ADA: variants seen among roughly 807,000 people sequenced by gnomAD.
ADA encodes the protein adenosine aminohydrolase.
Under a neutral mutation model 49.0 loss-of-function variants are expected in ADA, and 45 were observed. The ratio of observed to expected loss-of-function variants is 0.92; its 90% CI spans 0.72 to 1.18. ADA has a LOEUF of 1.18. ADA is among the 50% of genes most tolerant of loss of function. The probability of loss-of-function intolerance (pLI) is 0.00; values close to 1 mark genes in which losing one functional copy is unlikely to be tolerated. For synonymous variants in ADA, 173 were observed against 184.2 expected (o/e 0.94, Z 0.49); for missense variants, 445 against 472.5 (o/e 0.94, Z 0.54).
intron 4 of ADA, chr20:44,626,244 T>C (rs1314803461): frequency 4.4e-6 from 3 of 688,864 alleles, no homozygotes; most frequent in East Asian, 2.8e-5. Context: ...CAAACACTTG[T>C]GCCCAAGGTA....
In ADA at chr20:44,651,597, G is replaced by T. The variant is rs2065647035; in HGVS notation, c.11C>A (p.Thr4Lys). Residue 4 changes from threonine (T) to lysine (K), a missense_variant, in exon 1 of 12, where the codon ACG becomes AAG. Thr to Lys is a moderately conservative substitution (Grantham distance 78, BLOSUM62 -1). Coordinates refer to ENST00000372874, the MANE Select transcript of ADA (RefSeq NM_000022.4). Reference sequence around the variant, plus strand: ...CACTTTGGGCTTGTCGAAGGCGGGCGTCTGGGCCATGGTGCCCTCGTGCGC... The same window carrying T: ...CACTTTGGGCTTGTCGAAGGCGGGCTTCTGGGCCATGGTGCCCTCGTGCGC... MAQ[T>K]PAFDKPKVEL... 3 of 1,539,478 alleles carry T rather than the reference G, an allele frequency of 1.9e-6. No homozygotes were observed. Among genetic ancestry groups the T allele is most frequent in the South Asian group, 1.2e-5 (1 of 84,558 alleles).
chr20:44,628,727 C>T (rs574984893), intron 3 of ADA, among the ~76,000 whole-genome samples: 9 of 152,098 alleles, frequency 5.9e-5, no homozygotes, highest in Middle Eastern at 3.4e-3. Context: ...CTCTCCTCCC[C>T]TCACAACACG....
In ADA at chr20:44,626,613, A is replaced by G; in HGVS notation, c.219-14T>C. ...TCCCGGCAGCCCCTGGGAAGGGAAG[A>G]AAGGGGTTGGGAACAACCTTCCCCA... On this transcript the variant is annotated splice_polypyrimidine_tract_variant and intron_variant, in intron 3 of 11. Coordinates refer to ENST00000372874, the MANE Select transcript of ADA (RefSeq NM_000022.4). 3 of 1,613,874 alleles carry G rather than the reference A, an allele frequency of 1.9e-6. No homozygotes were observed. The highest frequency in any genetic ancestry group is 2.5e-6 in the Non-Finnish European group (3 of 1,180,016).
intron 1 of ADA, among the ~76,000 whole-genome samples, chr20:44,647,587 C>T (rs1168861730): frequency 1.3e-5 from 2 of 151,996 alleles, no homozygotes; most frequent in Admixed American, 6.6e-5. Context: ...GGGATGAAGA[C>T]CCATGCCTTG....
intron 8 of ADA, 35 bp from the exon 9 acceptor site, chr20:44,622,687 C>T (rs759743522): frequency 1.1e-5 from 18 of 1,613,860 alleles, no homozygotes; most frequent in Admixed American, 8.3e-5. Context: ...CAGGGATGGC[C>T]CCAGGCCATG....
intron 1 of ADA, among the ~76,000 whole-genome samples, chr20:44,647,009 C>T (rs986670353): frequency 3.9e-5 from 6 of 152,022 alleles, no homozygotes; most frequent in Non-Finnish European, 8.8e-5. Flanking sequence ...CTGACATAAA[C>T]ATTAAATGAG....
chr20:44,623,082 G>C lies in ADA; in HGVS notation c.607-4C>G, dbSNP rs1417471985. ...GAATGCCGCTCTTCACAGCCTCCTGGAAGGGGGAGAGCCAGGTCATGGGTG... is the reference window on the plus strand; with the variant it reads ...GAATGCCGCTCTTCACAGCCTCCTGCAAGGGGGAGAGCCAGGTCATGGGTG... On this transcript the variant is annotated splice_polypyrimidine_tract_variant and splice_region_variant and intron_variant, in intron 6 of 11. Transcript: ENST00000372874. 2 of 1,614,026 alleles carry C rather than the reference G, an allele frequency of 1.2e-6. No individual in the cohort carries two copies. Among genetic ancestry groups the C allele is most frequent in the South Asian group, 1.1e-5 (1 of 91,078 alleles).
intron 10 of ADA, 55 bp downstream of exon 10, chr20:44,620,963 T>C: frequency 6.2e-7 from 1 of 1,611,808 alleles, no homozygotes; most frequent in Non-Finnish European, 8.5e-7. Flanking sequence ...ACTGGACCTG[T>C]AGATACCATA....
At chr20:44,631,098 G>C (rs538078320) in intron 2 of ADA, among the ~76,000 whole-genome samples, 15 of 152,330 alleles carry the variant, frequency 9.8e-5, no homozygotes, top group African/African-American at 3.6e-4. Context: ...AAGTAAGTTT[G>C]TAAGTCCTTT....
At chr20:44,646,268 C>T (rs1270385110) in intron 1 of ADA, among the ~76,000 whole-genome samples, 1 of 152,114 alleles carries the variant, frequency 6.6e-6, no homozygotes, top group Non-Finnish European at 1.5e-5. Context: ...CTTCCTCCTC[C>T]GAAGCAAAAG....
At position 44,622,810 on chromosome 20, in the gene ADA, C is replaced by T. The variant is rs368646586; in HGVS notation, c.780+19G>A. ...GGGACAGCCGGGGATGGTTCCTCCC[C>T]ACTCCCTGGCCCGCTTACCTCGAAG... On this transcript the variant is annotated intron_variant, in intron 8 of 11. Coordinates refer to ENST00000372874, the MANE Select transcript of ADA (RefSeq NM_000022.4). The T allele has an allele frequency of 1.2e-6, 2 of 1,614,212 alleles. No homozygotes were observed. Among genetic ancestry groups the T allele is most frequent in the East Asian group, 2.2e-5 (1 of 44,882 alleles).
chr20:44,647,044 G>A (rs2065598587), intron 1 of ADA, among the ~76,000 whole-genome samples: 2 of 152,064 alleles, frequency 1.3e-5, no homozygotes, highest in East Asian at 1.9e-4. Flanking sequence ...GCAGGACAGC[G>A]CCTCGTGCAG....
intron 1 of ADA, among the ~76,000 whole-genome samples, chr20:44,643,204 T>C (rs748393256): frequency 2.0e-5 from 3 of 152,254 alleles, no homozygotes; most frequent in South Asian, 2.1e-4. Flanking sequence ...GTATCTACTA[T>C]GTGCTAGACC....
chr20:44,639,508 G>A (rs1044033348), intron 1 of ADA, among the ~76,000 whole-genome samples: 1 of 152,106 alleles, frequency 6.6e-6, no homozygotes, highest in African/African-American at 2.4e-5. Context: ...CACCTCCCGG[G>A]TTCAAGCGAT....
chr20:44,623,113 G>A (rs1245785816), intron 6 of ADA, 35 bp from the exon 7 acceptor site: 2 of 1,613,024 alleles, frequency 1.2e-6, no homozygotes, highest in East Asian at 4.5e-5. Context: ...GGGTGCCCTA[G>A]CGGGAGGGCC....
intron 2 of ADA, among the ~76,000 whole-genome samples, chr20:44,634,542 G>A (rs1325599852): frequency 3.3e-5 from 5 of 152,186 alleles, no homozygotes; most frequent in Admixed American, 6.5e-5. Context: ...TGTAAATGAC[G>A]GCAATAGAGT....
intron 2 of ADA, among the ~76,000 whole-genome samples, chr20:44,633,804 A>T (rs1457929502): frequency 3.3e-5 from 5 of 152,258 alleles, no homozygotes; most frequent in Admixed American, 3.3e-4. Context: ...AACTGGAGGA[A>T]GGAGAAATGG....
chr20:44,624,003 C>T, intron 6 of ADA, 199 bp downstream of exon 6: 1 of 701,536 alleles, frequency 1.4e-6, no homozygotes. Context: ...TGCCTCGCCT[C>T]CCAAAGTGCT....
intron 1 of ADA, among the ~76,000 whole-genome samples, chr20:44,645,154 G>A (rs1031551114): frequency 6.6e-6 from 1 of 151,904 alleles, no homozygotes; most frequent in Admixed American, 6.6e-5. Context: ...AGGCTGAGGT[G>A]GGTGGATCAC....
Sources: allele counts gnomAD v4.1 joint callset (sites outside exome capture counted in the v4.1 genomes callset), GRCh38; gene constraint gnomAD v4.1.1; transcripts MANE v1.5; gene names NCBI Gene and HGNC (gene_info 2026-07-23, HGNC 2026-07-21).